Variants in WWOX observed in about 807,000 individuals in gnomAD.
WWOX encodes the protein WW domain containing oxidoreductase, also known as WW domain-containing oxidoreductase.
WWOX carries 69 observed loss-of-function variants against 46.2 expected under a neutral mutation model. That is an observed-to-expected ratio of 1.49 (90% CI 1.23 to 1.82). The LOEUF (loss-of-function observed/expected upper bound fraction) is 1.82, where lower values mean the gene tolerates loss of function less well. Among genes scored for constraint, WWOX ranks in the 40% most tolerant of loss-of-function variants. The pLI is 0.00. For synonymous variants in WWOX, 359 were observed against 202.6 expected, an observed-to-expected ratio of 1.77 and a Z score of -6.56; for missense variants, 919 against 542.6, an observed-to-expected ratio of 1.69 and a Z score of -6.89.
intron 6 of WWOX, among the ~76,000 whole-genome samples, chr16:78,395,830 C>A: frequency 6.6e-6 from 1 of 151,994 alleles, no homozygotes; most frequent in Middle Eastern, 3.4e-3. Context: ...AGCCATGGAC[C>A]CAAGGATGCT....
chr16:79,170,707 C>A (rs1371663475), intron 8 of WWOX, among the ~76,000 whole-genome samples: 1 of 151,892 alleles, frequency 6.6e-6, no homozygotes, highest in Non-Finnish European at 1.5e-5. Flanking sequence ...TAAGATGTTG[C>A]AAGCTCAATT....
At chr16:78,427,082 G>T (rs2083098141) in intron 7 of WWOX, among the ~76,000 whole-genome samples, 1 of 152,192 alleles carries the variant, frequency 6.6e-6, no homozygotes, top group Non-Finnish European at 1.5e-5. Flanking sequence ...TGGTGCGTAG[G>T]TGGTACGTGA....
At chr16:79,168,532 G>A (rs1049041379) in intron 8 of WWOX, among the ~76,000 whole-genome samples, 64 of 152,188 alleles carry the variant, frequency 4.2e-4, no homozygotes, top group African/African-American at 1.2e-3. Context: ...GTCTCTCCCC[G>A]CCTCCCTGCC....
chr16:78,902,640 A>G (rs758927946), intron 8 of WWOX, among the ~76,000 whole-genome samples: 21 of 152,188 alleles, frequency 1.4e-4, no homozygotes, highest in Non-Finnish European at 2.5e-4. Context: ...CGCTTTTACC[A>G]TGGGTAAACC....
At chr16:78,603,808 G>T (rs2045681160) in intron 8 of WWOX, among the ~76,000 whole-genome samples, 1 of 152,170 alleles carries the variant, frequency 6.6e-6, no homozygotes, top group Non-Finnish European at 1.5e-5. Flanking sequence ...ACAAGTGACT[G>T]ACCACTCTCC....
intron 8 of WWOX, among the ~76,000 whole-genome samples, chr16:79,097,033 G>T (rs1052463092): frequency 6.6e-6 from 1 of 152,036 alleles, no homozygotes; most frequent in Non-Finnish European, 1.5e-5. Flanking sequence ...AGGCATAGAA[G>T]GATCTCTTCA....
intron 8 of WWOX, among the ~76,000 whole-genome samples, chr16:78,987,933 G>A (rs138996471): frequency 4.6e-5 from 7 of 152,204 alleles, no homozygotes; most frequent in Admixed American, 3.3e-4. Flanking sequence ...TGTATCCATG[G>A]TAGTCCCAGT....
chr16:78,379,076 T>C (rs2081895535), intron 5 of WWOX, among the ~76,000 whole-genome samples: 1 of 152,182 alleles, frequency 6.6e-6, no homozygotes, highest in African/African-American at 2.4e-5. Flanking sequence ...CTCTGTTTTC[T>C]CATCTGTAAA....
At chr16:78,615,180 C>T (rs1011480588) in intron 8 of WWOX, among the ~76,000 whole-genome samples, 13 of 152,092 alleles carry the variant, frequency 8.5e-5, no homozygotes, top group African/African-American at 2.7e-4. Context: ...AGGTTGTAAG[C>T]TAAGTAATAA....
At chr16:78,813,591 A>G (rs988753206) in intron 8 of WWOX, among the ~76,000 whole-genome samples, 1 of 152,026 alleles carries the variant, frequency 6.6e-6, no homozygotes, top group African/African-American at 2.4e-5. Context: ...GTGTGTGTGC[A>G]TGTGTGAGCT....
intron 5 of WWOX, among the ~76,000 whole-genome samples, chr16:78,349,602 A>G (rs1206870828): frequency 2.5e-5 from 3 of 119,860 alleles, no homozygotes; most frequent in Non-Finnish European, 4.0e-5. Context: ...GCCTTGCCAT[A>G]CCTTTTCCCG....
At chr16:79,118,760 C>T (rs909961340) in intron 8 of WWOX, among the ~76,000 whole-genome samples, 6 of 152,118 alleles carry the variant, frequency 3.9e-5, no homozygotes, top group Admixed American at 1.3e-4. Flanking sequence ...GGTGTTTGTC[C>T]CACATAGAGA....
chr16:78,709,981 T>G (rs887838101), intron 8 of WWOX, among the ~76,000 whole-genome samples: 3 of 152,136 alleles, frequency 2.0e-5, no homozygotes, highest in Non-Finnish European at 4.4e-5. Context: ...TCCACCCTCC[T>G]TGTCCTCCCA....
rs185324816 is a variant in WWOX at position 78,253,448 on chromosome 16, G to A, written c.516+89159G>A. On this transcript the variant is annotated intron_variant, in intron 5 of 8. Transcript: ENST00000566780. ...TGTTCGCTTTATAGCTGAAACTGAG[G>A]TGCAAAGGAGTTAGGTACCCTGCTC... 4.3e-4 allele frequency among the ~76,000 whole-genome samples: 66 copies of A among 152,268 alleles called. No individual in the cohort carries two copies. In the East Asian group the frequency reaches 8.7e-3, roughly 20 times the overall value.
intron 8 of WWOX, among the ~76,000 whole-genome samples, chr16:78,682,903 CAT>C (rs2047763273): frequency 6.6e-6 from 1 of 152,116 alleles, no homozygotes; most frequent in East Asian, 1.9e-4. Context: ...TTTGCAAAAA[CAT>C]ACTTTCGTGA....
At chr16:78,191,017 G>C (rs2035866972) in intron 5 of WWOX, among the ~76,000 whole-genome samples, 1 of 152,102 alleles carries the variant, frequency 6.6e-6, no homozygotes, top group Non-Finnish European at 1.5e-5. Flanking sequence ...CAGCTTGATG[G>C]TGACTTGTGT....
chr16:78,438,780 C>T (rs1325198737), intron 8 of WWOX, among the ~76,000 whole-genome samples: 4 of 152,118 alleles, frequency 2.6e-5, no homozygotes, highest in Admixed American at 6.5e-5. Flanking sequence ...AGCCAGTCAT[C>T]GTGCTGAGTT....
intron 8 of WWOX, among the ~76,000 whole-genome samples, chr16:78,846,274 T>A (rs911762308): frequency 1.3e-5 from 2 of 152,208 alleles, no homozygotes; most frequent in Non-Finnish European, 2.9e-5. Flanking sequence ...TTAACCTTGT[T>A]ATGATGCTAT....
chr16:78,178,703 A>C (rs973509531), intron 5 of WWOX, among the ~76,000 whole-genome samples: 1 of 152,074 alleles, frequency 6.6e-6, no homozygotes, highest in Non-Finnish European at 1.5e-5. Context: ...GTGTCTACTA[A>C]AAATACAAAA....
Sources: gnomAD v4.1 joint callset for allele counts (sites outside exome capture counted in the v4.1 genomes callset) on GRCh38, gnomAD v4.1.1 for gene constraint, MANE v1.5 for transcripts, NCBI Gene and HGNC (gene_info 2026-07-23, HGNC 2026-07-21) for gene names.